Variants in ZC3HC1 observed in about 807,000 individuals in gnomAD.
ZC3HC1 encodes zinc finger C3HC-type protein 1.
In ZC3HC1, 38 loss-of-function variants were observed where a neutral mutation model predicts 61.9. That is an observed-to-expected ratio of 0.61 (90% CI 0.47 to 0.81). The LOEUF (loss-of-function observed/expected upper bound fraction) is 0.81, where lower values mean the gene tolerates loss of function less well. ZC3HC1 is among the 30% of genes least tolerant of loss of function. ZC3HC1 has a pLI of 0.00. For synonymous variants in ZC3HC1, 213 were observed against 229.9 expected (o/e 0.93, Z 0.67); for missense variants, 554 against 622.7 (o/e 0.89, Z 1.17).
At chr7:130,029,237 G>T (rs969708941) in intron 4 of ZC3HC1, among the ~76,000 whole-genome samples, 2 of 152,016 alleles carry the variant, frequency 1.3e-5, no homozygotes, top group African/African-American at 4.8e-5. Context: ...AGCCAGGCAT[G>T]GTGGCGCGTG....
chr7:130,037,286 A>C (rs1414634334), intron 4 of ZC3HC1, among the ~76,000 whole-genome samples: 1 of 152,168 alleles, frequency 6.6e-6, no homozygotes, highest in Non-Finnish European at 1.5e-5. Context: ...TCTACTAAAA[A>C]TACAAAAATT....
intron 2 of ZC3HC1, among the ~76,000 whole-genome samples, chr7:130,047,623 T>C (rs1384220513): frequency 4.2e-5 from 6 of 143,460 alleles, no homozygotes; most frequent in African/African-American, 1.6e-4. Flanking sequence ...CTGGGCAACA[T>C]AGCAAGACTT....
chr7:130,028,168 A>G, intron 5 of ZC3HC1, among the ~76,000 whole-genome samples: 1 of 40,870 alleles, frequency 2.4e-5, no homozygotes, highest in African/African-American at 1.2e-4. Context: ...TGTCTCAAAA[A>G]AAAAAAAAAA....
rs866904512 is a variant in ZC3HC1 at position 130,022,497 on chromosome 7, G to A, written c.1262C>T (p.Pro421Leu). 1 of 1,613,738 alleles carries A rather than the reference G, an allele frequency of 6.2e-7. No individual in the cohort carries two copies. The highest frequency in any genetic ancestry group is 1.3e-5 in the African/African-American group (1 of 75,026). Residue 421 changes from proline (P) to leucine (L), a missense_variant, in exon 9 of 10, where the codon CCC becomes CTC. By Grantham distance (98) the Pro-to-Leu change is moderately conservative. Coordinates refer to ENST00000358303, the MANE Select transcript of ZC3HC1 (RefSeq NM_016478.5). ...GCACCAGTCTCTATGCTGAGAGGTG[G>A]GATCAAAGAAGCTTCGGGAAGATGT... is the stretch of plus-strand genomic sequence containing the variant. ...SDTSSRSFFD[P>L]TSQHRDWCPW...
intron 4 of ZC3HC1, among the ~76,000 whole-genome samples, chr7:130,038,689 T>G (rs1473824423): frequency 6.6e-6 from 1 of 151,704 alleles, no homozygotes; most frequent in Non-Finnish European, 1.5e-5. Context: ...TGAAACCCCA[T>G]CTCTACAAAA....
intron 6 of ZC3HC1, among the ~76,000 whole-genome samples, chr7:130,025,497 CCTTT>C (rs1793858549): frequency 1.3e-5 from 2 of 151,732 alleles, no homozygotes; most frequent in Admixed American, 6.6e-5. Context: ...AAAAGAACTT[CCTTT>C]CTATTTTTCC....
intron 9 of ZC3HC1, 137 bp from the exon 10 acceptor site, chr7:130,018,869 A>G (rs933318587): frequency 4.0e-5 from 26 of 650,972 alleles, no homozygotes; most frequent in Non-Finnish European, 6.5e-5. Flanking sequence ...CATAATGTAT[A>G]CCTAAAGTCA....
chr7:130,031,535 T>C (rs1794195280), intron 4 of ZC3HC1, among the ~76,000 whole-genome samples: 1 of 152,114 alleles, frequency 6.6e-6, no homozygotes, highest in Admixed American at 6.6e-5. Flanking sequence ...TTTTCAAAAA[T>C]GATCATTGGC....
intron 1 of ZC3HC1, 64 bp downstream of exon 1, chr7:130,051,157 C>T: frequency 6.5e-7 from 1 of 1,536,392 alleles, no homozygotes; most frequent in Non-Finnish European, 8.7e-7. Context: ...CCCAACCCGC[C>T]ACCCCTTCCC....
intron 1 of ZC3HC1, among the ~76,000 whole-genome samples, chr7:130,050,732 ACTAC>A (rs1795042790): frequency 6.6e-6 from 1 of 152,210 alleles, no homozygotes; most frequent in African/African-American, 2.4e-5. Flanking sequence ...GACAACACAT[ACTAC>A]TAGATATTAT....
At chr7:130,032,877 G>A (rs1480703587) in intron 4 of ZC3HC1, among the ~76,000 whole-genome samples, 1 of 151,626 alleles carries the variant, frequency 6.6e-6, no homozygotes, top group Non-Finnish European at 1.5e-5. Flanking sequence ...AGGGAGGGAT[G>A]GACTACCTGA....
At chr7:130,043,129 C>T (rs550849947) in intron 2 of ZC3HC1, among the ~76,000 whole-genome samples, 2 of 151,978 alleles carry the variant, frequency 1.3e-5, no homozygotes, top group Non-Finnish European at 2.9e-5. Context: ...ATACAAAAAT[C>T]AGCTGGGTGT....
intron 1 of ZC3HC1, among the ~76,000 whole-genome samples, chr7:130,049,670 CA>C (rs1401988792): frequency 6.6e-6 from 1 of 151,188 alleles, no homozygotes; most frequent in Non-Finnish European, 1.5e-5. Context: ...TCGGCCTCCC[CA>C]GTAGCTGGGA....
intron 2 of ZC3HC1, among the ~76,000 whole-genome samples, chr7:130,047,126 T>C (rs915639848): frequency 5.3e-5 from 8 of 151,940 alleles, no homozygotes; most frequent in African/African-American, 1.9e-4. Flanking sequence ...CCATGCCTGG[T>C]TAATTTTTGT....
chr7:130,043,968 CT>C (rs1794775747), intron 2 of ZC3HC1: 1 of 396,014 alleles, frequency 2.5e-6, no homozygotes, highest in African/African-American at 2.1e-5. Flanking sequence ...AGAATGAATC[CT>C]GTGATGTACA....
chr7:130,028,772 A>G, intron 5 of ZC3HC1, 130 bp downstream of exon 5: 1 of 1,241,498 alleles, frequency 8.1e-7, no homozygotes. Flanking sequence ...GAGACTGAAA[A>G]GGTCAGATGA....
At chr7:130,030,947 C>T (rs914848066) in intron 4 of ZC3HC1, among the ~76,000 whole-genome samples, 47 of 151,814 alleles carry the variant, frequency 3.1e-4, no homozygotes, top group East Asian at 5.9e-4. Context: ...GGATTACAGG[C>T]GTGAGCCACT....
chr7:130,041,621 C>T (rs891740484), intron 2 of ZC3HC1, among the ~76,000 whole-genome samples: 15 of 151,516 alleles, frequency 9.9e-5, no homozygotes, highest in Non-Finnish European at 1.6e-4. Context: ...CTCCACTTCC[C>T]GGGTTCAAGT....
At chr7:130,020,325 T>TGTA (rs1563072440) in intron 9 of ZC3HC1, among the ~76,000 whole-genome samples, 1 of 147,494 alleles carries the variant, frequency 6.8e-6, no homozygotes. Context: ...CACGCTGGAG[T>TGTA]GTAGTAGTGC....
Sources: allele counts gnomAD v4.1 joint callset (sites outside exome capture counted in the v4.1 genomes callset), GRCh38; gene constraint gnomAD v4.1.1; transcripts MANE v1.5; gene names NCBI Gene and HGNC (gene_info 2026-07-23, HGNC 2026-07-21).